The following WDPCP variants were observed in gnomAD, a reference collection of about 807,000 sequenced individuals.
WDPCP encodes the protein WD repeat containing planar cell polarity effector, also known as WD repeat-containing and planar cell polarity effector protein fritz homolog.
Under a neutral mutation model 93.1 loss-of-function variants are expected in WDPCP, and 71 were observed. That is an observed-to-expected ratio of 0.76 (90% CI 0.63 to 0.93). WDPCP has a LOEUF of 0.93. WDPCP is among the 40% of genes least tolerant of loss of function. The pLI is 0.00. For missense variants in WDPCP, 844 were observed against 887.4 expected, an observed-to-expected ratio of 0.95 and a Z score of 0.62; for synonymous variants, 315 against 315.0, an observed-to-expected ratio of 1.00 and a Z score of 0.00.
intron 13 of WDPCP, among the ~76,000 whole-genome samples, chr2:63,294,796 A>G (rs954085661): frequency 6.6e-6 from 1 of 152,096 alleles, no homozygotes; most frequent in Non-Finnish European, 1.5e-5. Context: ...TTATTGTAAC[A>G]ATGGTTCAAA....
At chr2:63,373,039 CT>C (rs1379548629) in intron 12 of WDPCP, among the ~76,000 whole-genome samples, 1 of 152,038 alleles carries the variant, frequency 6.6e-6, no homozygotes, top group Admixed American at 6.6e-5. Flanking sequence ...AGGAGAATCG[CT>C]TGAACCTGGG....
chr2:63,123,895 ATCTTT>A (rs200243672), intron 17 of WDPCP, among the ~76,000 whole-genome samples: 3,993 of 150,092 alleles, frequency 0.027, 150 homozygotes, highest in African/African-American at 0.088. Context: ...ATAATTCTGT[ATCTTT>A]TCTTTTCTTT....
chr2:63,750,537 C>T (rs1219511239), intron 2 of WDPCP, among the ~76,000 whole-genome samples: 1 of 152,038 alleles, frequency 6.6e-6, no homozygotes, highest in Non-Finnish European at 1.5e-5. Context: ...TTCATTAACA[C>T]TGTTGAGTAC....
chr2:63,363,275 T>C (rs553311161), intron 12 of WDPCP, among the ~76,000 whole-genome samples: 2 of 152,230 alleles, frequency 1.3e-5, no homozygotes, highest in African/African-American at 4.8e-5. Context: ...TCTATGTTAA[T>C]AGGTTTATGT....
intron 14 of WDPCP, among the ~76,000 whole-genome samples, chr2:63,232,240 G>C (rs2421863): frequency 0.31 from 47,640 of 151,978 alleles, 9,078 homozygotes; most frequent in Non-Finnish European, 0.42. Context: ...AGAAGCAAAC[G>C]TAGGAAATAC....
chr2:63,217,650 A>G (rs1038190450), intron 14 of WDPCP, among the ~76,000 whole-genome samples: 2 of 152,200 alleles, frequency 1.3e-5, no homozygotes, highest in African/African-American at 2.4e-5. Context: ...CTGTCATCTT[A>G]GAGTAAAAGG....
At chr2:63,482,375 A>T (rs558574200) in intron 6 of WDPCP, among the ~76,000 whole-genome samples, 2 of 152,096 alleles carry the variant, frequency 1.3e-5, no homozygotes, top group Admixed American at 6.6e-5. Context: ...ATAGAGCATT[A>T]TGTTGCAGTC....
intron 14 of WDPCP, among the ~76,000 whole-genome samples, chr2:63,257,322 T>G (rs907429159): frequency 3.3e-5 from 5 of 152,110 alleles, no homozygotes; most frequent in African/African-American, 1.2e-4. Flanking sequence ...AATAATTGAA[T>G]TAAATTGAGG....
chr2:63,783,623 T>A (rs1236801315), intron 2 of WDPCP, among the ~76,000 whole-genome samples: 1 of 152,154 alleles, frequency 6.6e-6, no homozygotes, highest in African/African-American at 2.4e-5. Flanking sequence ...CTTTTGCAGC[T>A]ATATAGATAG....
At chr2:63,453,139 C>A (rs1698373365) in intron 6 of WDPCP, among the ~76,000 whole-genome samples, 3 of 152,142 alleles carry the variant, frequency 2.0e-5, no homozygotes, top group African/African-American at 4.8e-5. Context: ...AAGAAACTAC[C>A]ATCAGACTGA....
intron 2 of WDPCP, among the ~76,000 whole-genome samples, chr2:63,693,617 G>GACCTGATC: frequency 6.6e-6 from 1 of 152,174 alleles, no homozygotes; most frequent in Middle Eastern, 3.4e-3. Flanking sequence ...AAACCAATAA[G>GACCTGATC]ACCTGATCAG....
intron 14 of WDPCP, among the ~76,000 whole-genome samples, chr2:63,205,099 T>C (rs1676233237): frequency 6.6e-6 from 1 of 152,192 alleles, no homozygotes; most frequent in Non-Finnish European, 1.5e-5. Flanking sequence ...TTGAAGAGAT[T>C]GTCTTTCCCC....
chr2:63,320,307 C>T (rs1263918884), intron 12 of WDPCP, among the ~76,000 whole-genome samples: 1 of 152,076 alleles, frequency 6.6e-6, no homozygotes, highest in Non-Finnish European at 1.5e-5. Context: ...AGTAGAACTA[C>T]ACCGTAAGAA....
At chr2:63,671,556 C>CT (rs961897129) in intron 2 of WDPCP, among the ~76,000 whole-genome samples, 5 of 151,186 alleles carry the variant, frequency 3.3e-5, no homozygotes, top group African/African-American at 1.2e-4. Flanking sequence ...TAACCTTTGC[C>CT]TTTTTTTTTG....
rs1692538248 is a variant in WDPCP, at chr2:63,384,103, C to G, written c.1436-2009G>C. 2.6e-5 allele frequency among the ~76,000 whole-genome samples: 4 copies of G among 152,036 alleles called. No individual in the cohort carries two copies. In the South Asian group the frequency reaches 6.2e-4, roughly 24 times the overall value. On this transcript the variant is annotated intron_variant, in intron 10 of 17. Coordinates refer to ENST00000272321, the MANE Select transcript of WDPCP (RefSeq NM_015910.7). ...ACCTATGGGTCAAAGAAAAAAATGT[C>G]ACAAAGTATATTAGAAAATATTTTT... is the stretch of plus-strand genomic sequence containing the variant.
intron 1 of WDPCP, among the ~76,000 whole-genome samples, chr2:63,538,295 AATAAG>A (rs1335575978): frequency 6.6e-6 from 1 of 152,174 alleles, no homozygotes; most frequent in Non-Finnish European, 1.5e-5. Context: ...CAGAACCCCA[AATAAG>A]ATATTAAAAT....
chr2:63,163,162 G>A (rs1265846388), intron 15 of WDPCP, among the ~76,000 whole-genome samples: 1 of 152,104 alleles, frequency 6.6e-6, no homozygotes, highest in African/African-American at 2.4e-5. Context: ...AGATTAAGCT[G>A]GAGAGAAAAT....
chr2:63,248,914 T>G (rs1267259149), intron 14 of WDPCP, among the ~76,000 whole-genome samples: 2 of 147,832 alleles, frequency 1.4e-5, no homozygotes, highest in Non-Finnish European at 3.0e-5. Context: ...TTCTTATGTG[T>G]TTTTTTTTTA....
chr2:63,686,755 G>A (rs955563401), intron 2 of WDPCP, among the ~76,000 whole-genome samples: 4 of 152,152 alleles, frequency 2.6e-5, no homozygotes, highest in African/African-American at 9.7e-5. Flanking sequence ...ACAGAACCCA[G>A]AAATAAATTC....
Sources: gnomAD v4.1 joint callset for allele counts (sites outside exome capture counted in the v4.1 genomes callset) on GRCh38, gnomAD v4.1.1 for gene constraint, MANE v1.5 for transcripts, NCBI Gene and HGNC (gene_info 2026-07-23, HGNC 2026-07-21) for gene names.